The following WRAP73 variants were observed in gnomAD, a reference collection of about 807,000 sequenced individuals.
WRAP73 encodes the protein WD repeat containing, antisense to TP73, also known as WD repeat-containing protein WRAP73.
WRAP73 carries 55 observed loss-of-function variants against 59.6 expected under a neutral mutation model. The observed-to-expected ratio is 0.92, with a 90% CI of 0.74 to 1.15. The LOEUF is 1.15. Ranked by LOEUF, WRAP73 falls within the 50% of genes most tolerant of loss-of-function variation. The pLI, the probability that WRAP73 is intolerant of heterozygous loss-of-function variation, is 0.00. For missense variants in WRAP73, 592 were observed against 608.1 expected, an observed-to-expected ratio of 0.97 and a Z score of 0.28; for synonymous variants, 265 against 258.2, an observed-to-expected ratio of 1.03 and a Z score of -0.25.
In WRAP73 at chr1:3,650,053, G is replaced by C. The variant is rs1262119468; in HGVS notation, c.-54C>G. ...GCGCCCGAAAACCCGCGGGACCCCT[G>C]GGCGCGCAGCAGGCTGCAACAGCCG... On this transcript the variant is annotated 5_prime_UTR_variant, in exon 1 of 12. Transcript: ENST00000270708. The C allele has an allele frequency of 6.7e-7, 1 of 1,497,820 alleles. No individual in the cohort carries two copies. Among genetic ancestry groups the C allele is most frequent in the South Asian group, 1.2e-5 (1 of 80,734 alleles). 92.8% of individuals were successfully genotyped at this position (1,497,820 alleles called of 1,614,324 possible).
At chr1:3,638,277 C>T (rs1422570033) in intron 4 of WRAP73, among the ~76,000 whole-genome samples, 1 of 152,198 alleles carries the variant, frequency 6.6e-6, no homozygotes. Context: ...TCACAGGCTT[C>T]CACAAGGAAG....
chr1:3,648,419 G>A (rs760261836), intron 1 of WRAP73, among the ~76,000 whole-genome samples: 5 of 152,194 alleles, frequency 3.3e-5, no homozygotes, highest in Admixed American at 6.5e-5. Flanking sequence ...TTAGTTTTCC[G>A]TGGGAGAAAA....
Position 3,631,106 on chromosome 1 carries a change from C to T in WRAP73, c.1252G>A (p.Val418Met), listed in dbSNP as rs751300909. The T allele has an allele frequency of 6.2e-7, 1 of 1,613,332 alleles. No homozygotes were observed. Among genetic ancestry groups the T allele is most frequent in the Non-Finnish European group, 8.5e-7 (1 of 1,180,006 alleles). The part of the protein sequence containing the change: ...VQVPGEGDFA[V>M]LSLCWHLSGD... Reference sequence around the variant, plus strand: ...CTTAAATGCCAGCACAGAGAGAGCACTGCAAAGTCGCCTAGAGAGAGACAG... The same window carrying T: ...CTTAAATGCCAGCACAGAGAGAGCATTGCAAAGTCGCCTAGAGAGAGACAG... The change falls in exon 12 of 12, where the codon GTG becomes ATG. Residue 418 changes from valine (V) to methionine (M), a missense_variant. Coordinates refer to ENST00000270708, the MANE Select transcript of WRAP73 (RefSeq NM_017818.4).
chr1:3,646,627 A>G lies in WRAP73; in HGVS notation c.339+39T>C. 1.3e-6 allele frequency: 2 copies of G among 1,544,758 alleles called. No homozygotes were observed. Among genetic ancestry groups the G allele is most frequent in the Non-Finnish European group, 8.9e-7 (1 of 1,128,096 alleles). On this transcript the variant is annotated intron_variant, in intron 3 of 11. Coordinates refer to ENST00000270708, the MANE Select transcript of WRAP73 (RefSeq NM_017818.4). The surrounding 1 kb of genome is among the most constrained non-coding windows in gnomAD (Gnocchi z 5.1). ...AGCTGTTTCGAGAGCAGAGGACAGG[A>G]TCACATGGCCAGTAAGGTGTCTTGG...
intron 3 of WRAP73, 61 bp from the exon 4 acceptor site, chr1:3,638,883 C>G: frequency 6.3e-7 from 1 of 1,592,098 alleles, no homozygotes; most frequent in Non-Finnish European, 8.6e-7. Flanking sequence ...GAGACCGTCT[C>G]AATCCTCAAC....
intron 9 of WRAP73, 74 bp from the exon 10 acceptor site, chr1:3,632,412 G>A: frequency 1.2e-6 from 2 of 1,609,490 alleles, no homozygotes; most frequent in South Asian, 2.2e-5. Context: ...AGGCTGCTGT[G>A]CCTGCATCGG....
At chr1:3,633,346 A>T in intron 9 of WRAP73, 52 bp downstream of exon 9, 2 of 1,498,386 alleles carry the variant, frequency 1.3e-6, no homozygotes, top group Non-Finnish European at 1.9e-6. Flanking sequence ...CTGGACAACG[A>T]GGAATCTTGC....
chr1:3,647,280 T>C (rs973614631), intron 2 of WRAP73, 128 bp downstream of exon 2: 8 of 1,029,244 alleles, frequency 7.8e-6, no homozygotes, highest in Non-Finnish European at 1.1e-5. Context: ...AACGTTATAA[T>C]TTCAAAAGAA....
At chr1:3,640,784 C>T (rs753780420) in intron 3 of WRAP73, among the ~76,000 whole-genome samples, 5 of 152,112 alleles carry the variant, frequency 3.3e-5, no homozygotes, top group African/African-American at 9.7e-5. Flanking sequence ...GTGCAGCGCC[C>T]GAGCCTCTCA....
intron 6 of WRAP73, 181 bp from the exon 7 acceptor site, chr1:3,635,475 G>C: frequency 2.5e-6 from 2 of 785,334 alleles, no homozygotes; most frequent in Non-Finnish European, 3.9e-6. Context: ...GAGGCAGTGA[G>C]AGCATGAGGA....
chr1:3,638,218 C>A (rs766151294), intron 4 of WRAP73, among the ~76,000 whole-genome samples: 2 of 152,246 alleles, frequency 1.3e-5, no homozygotes, highest in Non-Finnish European at 2.9e-5. Flanking sequence ...TCCAGTTAGA[C>A]GCGCTGGCAG....
intron 3 of WRAP73, among the ~76,000 whole-genome samples, chr1:3,643,037 G>A (rs536678255): frequency 1.0e-3 from 152 of 152,300 alleles, no homozygotes; most frequent in Admixed American, 2.2e-3. Context: ...GAGGCTCTCC[G>A]GGTATGTGCC....
rs1456808430 is a variant in WRAP73, at chr1:3,646,596, C to T, written c.339+70G>A. On this transcript the variant is annotated intron_variant, in intron 3 of 11. Coordinates refer to ENST00000270708, the MANE Select transcript of WRAP73 (RefSeq NM_017818.4). This position sits in a 1 kb window ranked among gnomAD's most constrained non-coding sequence, Gnocchi z 5.1. ...TACTCCAAACACACCCCCTCTCGCA[C>T]TCCCCAGCTGTTTCGAGAGCAGAGG... The T allele has an allele frequency of 1.5e-6, 2 of 1,336,640 alleles. No individual in the cohort carries two copies. Among genetic ancestry groups the T allele is most frequent in the Non-Finnish European group, 2.1e-6 (2 of 963,086 alleles). 82.8% of individuals were successfully genotyped at this position (1,336,640 alleles called of 1,614,324 possible). A position where few individuals can be genotyped will look rare whatever the true frequency, so the allele number is the denominator to read the frequency against.
intron 8 of WRAP73, 146 bp downstream of exon 8, chr1:3,634,851 G>T: frequency 1.0e-6 from 1 of 965,994 alleles, no homozygotes; most frequent in Non-Finnish European, 1.6e-6. Flanking sequence ...AGGGCCAGAC[G>T]CGTGAAATGT....
intron 11 of WRAP73, 157 bp from the exon 12 acceptor site, chr1:3,631,274 C>G (rs1412404615): frequency 7.3e-7 from 1 of 1,364,754 alleles, no homozygotes; most frequent in African/African-American, 1.5e-5. Context: ...CAGGGAGAGG[C>G]TGCTTCTAGC....
chr1:3,649,814 C>CA, intron 1 of WRAP73, 117 bp downstream of exon 1: 2 of 1,126,192 alleles, frequency 1.8e-6, no homozygotes, highest in South Asian at 3.1e-5. Flanking sequence ...CCTGTCCGGG[C>CA]ACCGCACCTG....
In WRAP73 at chr1:3,635,307, C is replaced by A; in HGVS notation, c.604-13G>T. The A allele has an allele frequency of 6.2e-7, 1 of 1,613,522 alleles. No individual in the cohort carries two copies. The highest frequency in any genetic ancestry group is 8.5e-7 in the Non-Finnish European group (1 of 1,179,872). ...GCAGAATCTTGTACTGCAGATGAGA[C>A]ATTTCAGTTAATAATGAATACACCC... On this transcript the variant is annotated splice_polypyrimidine_tract_variant and intron_variant, in intron 6 of 11. Transcript: ENST00000270708.
intron 9 of WRAP73, chr1:3,632,895 G>A (rs958034540): frequency 2.4e-5 from 5 of 206,978 alleles, no homozygotes; most frequent in African/African-American, 4.8e-5. Context: ...TTGGGGCACC[G>A]CTTCCTCTAC....
At chr1:3,631,342 C>G in intron 11 of WRAP73, 124 bp downstream of exon 11, 1 of 1,376,482 alleles carries the variant, frequency 7.3e-7, no homozygotes, top group Non-Finnish European at 9.9e-7. Flanking sequence ...TACGCAAAGA[C>G]TCTGAGGGCA....
Sources: allele counts gnomAD v4.1 joint callset (sites outside exome capture counted in the v4.1 genomes callset), GRCh38; gene constraint gnomAD v4.1.1; non-coding constraint Gnocchi (gnomAD v3.1); transcripts MANE v1.5; gene names NCBI Gene and HGNC (gene_info 2026-07-23, HGNC 2026-07-21).